The following KALRN variants were observed in gnomAD, a reference collection of about 807,000 sequenced individuals.
KALRN encodes the protein kalirin RhoGEF kinase.
In KALRN, 70 loss-of-function variants were observed where a neutral mutation model predicts 353.7. That is an observed-to-expected ratio of 0.20 (90% CI 0.16 to 0.24). KALRN has a LOEUF of 0.24. Ranked by LOEUF, KALRN falls within the 10% of genes least tolerant of loss-of-function variation. The pLI is 1.00. For synonymous variants in KALRN, 1,391 were observed against 1,434.8 expected (o/e 0.97, Z 0.69); for missense variants, 2,791 against 3,756.7 (o/e 0.74, Z 6.72).
At chr3:124,329,356 G>A (rs145441390) in intron 7 of KALRN, among the ~76,000 whole-genome samples, 1 of 152,264 alleles carries the variant, frequency 6.6e-6, no homozygotes, top group Non-Finnish European at 1.5e-5. Context: ...GTCCCATATG[G>A]GATGGTCTCT....
intron 1 of KALRN, among the ~76,000 whole-genome samples, chr3:124,036,658 T>C (rs1239918717): frequency 2.0e-5 from 3 of 152,214 alleles, no homozygotes; most frequent in East Asian, 1.9e-4. Flanking sequence ...ATGTATTCTA[T>C]TGAACAACTG....
rs1357840029 is a variant in KALRN, at chr3:124,496,034, T to TACAC, written c.4833-276_4833-273dup. On this transcript the variant is annotated intron_variant, in intron 32 of 59. Coordinates refer to ENST00000682506, the MANE Select transcript of KALRN (RefSeq NM_001388419.1). Reference sequence around the variant, plus strand: ...ATATACACACACATATATACATACATACACCCCCTCTGCAGCATGGGCTGG... The same window carrying TACAC: ...ATATACACACACATATATACATACATACACACACCCCCTCTGCAGCATGGGCTGG... 5.8e-4 allele frequency among the ~76,000 whole-genome samples: 71 copies of TACAC among 121,766 alleles called. 4 individuals are homozygous for TACAC. The highest frequency in any genetic ancestry group is 2.1e-3 in the African/African-American group (69 of 33,404). The allele number at this position is 121,766 out of a possible 152,430, so 79.9% of individuals were successfully genotyped here.
chr3:124,081,509 G>A (rs549380667), intron 1 of KALRN, among the ~76,000 whole-genome samples: 5 of 152,274 alleles, frequency 3.3e-5, no homozygotes, highest in South Asian at 4.1e-4. Flanking sequence ...AGTGGCTCAC[G>A]CCTGTAATCC....
At chr3:124,440,134 C>T (rs767330852) in intron 18 of KALRN, among the ~76,000 whole-genome samples, 42 of 152,028 alleles carry the variant, frequency 2.8e-4, no homozygotes, top group Admixed American at 5.9e-4. Context: ...GTAATCAGCT[C>T]TTACTAGTAA....
At chr3:124,663,513 G>A (rs549889005) in intron 45 of KALRN, among the ~76,000 whole-genome samples, 6 of 152,226 alleles carry the variant, frequency 3.9e-5, no homozygotes, top group East Asian at 3.9e-4. Context: ...TGTTATTAAC[G>A]TATATCCAAA....
rs149287687 is a variant in KALRN at position 124,141,338 on chromosome 3, G to A, written c.74-86652G>A. Among the ~76,000 whole-genome samples the A allele has an allele frequency of 2.7e-3, 412 of 152,102 alleles. 10 individuals are homozygous for A. The South Asian group carries it at 0.043, about 16-fold the overall frequency. Reference sequence around the variant, plus strand: ...CTGTCAGCCACAACTCCCTAGCCTCGCCCAACCCCACTTTTTTATACTGTT... The same window carrying A: ...CTGTCAGCCACAACTCCCTAGCCTCACCCAACCCCACTTTTTTATACTGTT... On this transcript the variant is annotated intron_variant, in intron 1 of 59. Coordinates refer to ENST00000682506, the MANE Select transcript of KALRN (RefSeq NM_001388419.1).
chr3:124,433,576 T>C, intron 16 of KALRN, among the ~76,000 whole-genome samples: 1 of 131,940 alleles, frequency 7.6e-6, no homozygotes. Flanking sequence ...TCAGCCTCGG[T>C]GATAGATCAA....
chr3:124,711,148 C>T (rs1483845139), intron 57 of KALRN, among the ~76,000 whole-genome samples: 1 of 152,078 alleles, frequency 6.6e-6, no homozygotes, highest in African/African-American at 2.4e-5. Context: ...TCAATAAATA[C>T]TTGTCTAAGA....
intron 37 of KALRN, among the ~76,000 whole-genome samples, chr3:124,642,813 T>G (rs1487297400): frequency 1.4e-4 from 20 of 137,976 alleles, no homozygotes; most frequent in Admixed American, 2.3e-4. Flanking sequence ...CTCGTTTTTT[T>G]TTTTTTTTTT....
chr3:124,644,693 A>T (rs148932006), intron 37 of KALRN, among the ~76,000 whole-genome samples: 4,871 of 152,292 alleles, frequency 0.032, 117 homozygotes, highest in Non-Finnish European at 0.047. Flanking sequence ...TCCATGGTGT[A>T]TATGTGCCAC....
rs781561983 is a variant in KALRN, at chr3:124,455,372, A to G, written c.3735+13A>G. On this transcript the variant is annotated intron_variant, in intron 22 of 59. Transcript: ENST00000682506. ...AGTCAACACAGAGGTAGGCAGGGGT[A>G]TTGTCCTCTGGGACATCCTCCCTTC... 1 of 1,611,694 alleles carries G rather than the reference A, an allele frequency of 6.2e-7. No individual in the cohort carries two copies. The highest frequency in any genetic ancestry group is 8.5e-7 in the Non-Finnish European group (1 of 1,178,242).
chr3:124,304,317 T>C (rs1017810411), intron 6 of KALRN, among the ~76,000 whole-genome samples: 8 of 152,188 alleles, frequency 5.3e-5, no homozygotes, highest in African/African-American at 1.9e-4. Context: ...AAGAATCACA[T>C]AGGGAGCTTG....
chr3:124,521,854 T>G (rs890224971), intron 33 of KALRN, among the ~76,000 whole-genome samples: 1 of 152,164 alleles, frequency 6.6e-6, no homozygotes, highest in Non-Finnish European at 1.5e-5. Context: ...GATTCAGCAG[T>G]TGCTTATTCA....
At chr3:124,674,681 A>T in intron 49 of KALRN, 67 bp downstream of exon 49, 1 of 1,439,612 alleles carries the variant, frequency 6.9e-7, no homozygotes, top group African/African-American at 1.4e-5. Context: ...AACAAACAAA[A>T]GAACACAAAA....
At chr3:124,518,401 A>G (rs749546247) in intron 33 of KALRN, 1 of 1,613,810 alleles carries the variant, frequency 6.2e-7, no homozygotes. Context: ...TCTTAACAGG[A>G]TGGCAACCTT....
intron 55 of KALRN, among the ~76,000 whole-genome samples, chr3:124,699,288 G>A (rs1198905144): frequency 6.6e-6 from 1 of 152,094 alleles, no homozygotes; most frequent in Non-Finnish European, 1.5e-5. Context: ...AAGTTCTCTT[G>A]GGCAAATTGT....
At position 124,664,371 on chromosome 3, in the gene KALRN, G is replaced by GTGCGCGCGCGCGCA. The variant is rs780486751; in HGVS notation, c.6346-2078_6346-2077insTGCGCGCGCGCGCA. ...TGTGTGTGTGTGTGTGTGTGTGTGTGCGCGCGCGCGCATATAAGGGCACCC... is the reference window on the plus strand; with the variant it reads ...TGTGTGTGTGTGTGTGTGTGTGTGTGTGCGCGCGCGCGCACGCGCGCGCGCATATAAGGGCACCC... On this transcript the variant is annotated intron_variant, in intron 45 of 59. Coordinates refer to ENST00000682506, the MANE Select transcript of KALRN (RefSeq NM_001388419.1). 1.8e-3 allele frequency among the ~76,000 whole-genome samples: 138 copies of GTGCGCGCGCGCGCA among 77,056 alleles called. 1 individual carries two copies. The East Asian group carries it at 0.041, about 23-fold the overall frequency. The allele number at this position is 77,056 out of a possible 152,430, so 50.6% of individuals were successfully genotyped here.
chr3:124,593,397 G>T (rs377736484), intron 34 of KALRN, among the ~76,000 whole-genome samples: 2 of 152,004 alleles, frequency 1.3e-5, no homozygotes, highest in South Asian at 4.2e-4. Context: ...ACCCTGCCCC[G>T]CCTCACCCCA....
intron 1 of KALRN, among the ~76,000 whole-genome samples, chr3:124,116,461 TAA>T (rs2063472592): frequency 1.3e-5 from 2 of 152,220 alleles, no homozygotes; most frequent in Non-Finnish European, 1.5e-5. Context: ...TGAAATAAGT[TAA>T]GTGACTTGAC....
Sources: gnomAD v4.1 joint callset for allele counts (sites outside exome capture counted in the v4.1 genomes callset) on GRCh38, gnomAD v4.1.1 for gene constraint, MANE v1.5 for transcripts, NCBI Gene and HGNC (gene_info 2026-07-23, HGNC 2026-07-21) for gene names.